Variants in MYT1L observed in about 807,000 individuals in gnomAD.
MYT1L encodes the protein myelin transcription factor 1-like protein.
A neutral mutation model predicts 126.7 loss-of-function variants in MYT1L; 12 were observed. The observed-to-expected ratio is 0.09, with a 90% CI of 0.06 to 0.15. The LOEUF is 0.15. MYT1L is among the 10% of genes least tolerant of loss of function. The probability of loss-of-function intolerance (pLI) is 1.00; values close to 1 mark genes in which losing one functional copy is unlikely to be tolerated. For synonymous variants in MYT1L, 541 were observed against 604.2 expected (o/e 0.90, Z 1.53); for missense variants, 979 against 1,585.2 (o/e 0.62, Z 6.49).
Position 1,840,696 on chromosome 2 carries a change from G to A in MYT1L, c.2858+64C>T. Reference sequence around the variant, plus strand: ...TTTCTTGTTGACATATACTTGCTTTGCTTGAATGCCTCGTCCCCACATGGC... The same window carrying A: ...TTTCTTGTTGACATATACTTGCTTTACTTGAATGCCTCGTCCCCACATGGC... On this transcript the variant is annotated intron_variant, in intron 20 of 24. Transcript: ENST00000647738. 7.6e-6 allele frequency: 9 copies of A among 1,189,358 alleles called. 1 individual carries two copies. The highest frequency in any genetic ancestry group is 1.1e-5 in the Non-Finnish European group (9 of 829,870). The allele number at this position is 1,189,358 out of a possible 1,614,324, so 73.7% of individuals were successfully genotyped here.
At chr2:1,870,169 C>A (rs993744211) in intron 18 of MYT1L, among the ~76,000 whole-genome samples, 2 of 152,184 alleles carry the variant, frequency 1.3e-5, no homozygotes, top group Non-Finnish European at 2.9e-5. Flanking sequence ...TCATTGAAAT[C>A]ATTTCACGGT....
At chr2:2,091,860 T>C (rs917594174) in intron 3 of MYT1L, among the ~76,000 whole-genome samples, 1 of 152,206 alleles carries the variant, frequency 6.6e-6, no homozygotes, top group Non-Finnish European at 1.5e-5. Context: ...CTCTGCCAGC[T>C]TCAAACTTTT....
rs551563196 is a variant in MYT1L, at chr2:1,977,520, T to A, written c.152+1645A>T. Among the ~76,000 whole-genome samples, 317 of 152,338 alleles carry A rather than the reference T, an allele frequency of 2.1e-3. 1 individual carries two copies. The highest frequency in any genetic ancestry group is 7.4e-3 in the African/African-American group (309 of 41,580). On this transcript the variant is annotated intron_variant, in intron 8 of 24. Coordinates refer to ENST00000647738, the MANE Select transcript of MYT1L (RefSeq NM_001303052.2). ...TTTTATAATTGTACCTTTAAAAATA[T>A]GTAAAAGAGGATATTTAGATTGTTT...
chr2:2,016,231 CAAAT>C (rs2149795012), intron 4 of MYT1L, among the ~76,000 whole-genome samples: 1 of 152,274 alleles, frequency 6.6e-6, no homozygotes, highest in South Asian at 2.1e-4. Flanking sequence ...GGATGGCAAA[CAAAT>C]GCACAGACAC....
At chr2:2,288,158 C>T (rs750168082) in intron 1 of MYT1L, among the ~76,000 whole-genome samples, 1 of 152,264 alleles carries the variant, frequency 6.6e-6, no homozygotes. Flanking sequence ...TAGGAATTGT[C>T]ATTTAATCCT....
intron 2 of MYT1L, among the ~76,000 whole-genome samples, chr2:2,177,805 T>G (rs1430111342): frequency 6.6e-6 from 1 of 152,128 alleles, no homozygotes; most frequent in African/African-American, 2.4e-5. Flanking sequence ...ACCAGGTTCC[T>G]CCCCAACCCC....
At chr2:2,309,320 C>G (rs997570611) in intron 1 of MYT1L, among the ~76,000 whole-genome samples, 1 of 151,740 alleles carries the variant, frequency 6.6e-6, no homozygotes, top group Non-Finnish European at 1.5e-5. Context: ...TCAGTATACT[C>G]TATCTATACT....
At chr2:1,859,416 G>A (rs189557535) in intron 18 of MYT1L, among the ~76,000 whole-genome samples, 4 of 152,052 alleles carry the variant, frequency 2.6e-5, no homozygotes, top group South Asian at 2.1e-4. Flanking sequence ...TTTTCATGAC[G>A]CAGATGAGAT....
At chr2:2,201,217 T>C (rs1023610987) in intron 2 of MYT1L, among the ~76,000 whole-genome samples, 12 of 151,700 alleles carry the variant, frequency 7.9e-5, no homozygotes, top group African/African-American at 2.9e-4. Context: ...ATTTTGACAA[T>C]GGTGTCCAAA....
intron 3 of MYT1L, among the ~76,000 whole-genome samples, chr2:2,158,267 GA>G (rs897034945): frequency 9.9e-5 from 15 of 151,386 alleles, no homozygotes; most frequent in Non-Finnish European, 2.1e-4. Flanking sequence ...GAAGAAGAAG[GA>G]AAAAAAACCC....
At chr2:1,920,243 C>G in intron 10 of MYT1L, among the ~76,000 whole-genome samples, 1 of 152,174 alleles carries the variant, frequency 6.6e-6, no homozygotes, top group East Asian at 1.9e-4. Flanking sequence ...TCATTCCCAC[C>G]CAACCCCCAT....
At chr2:1,878,006 T>C (rs939885715) in intron 18 of MYT1L, among the ~76,000 whole-genome samples, 3 of 152,258 alleles carry the variant, frequency 2.0e-5, no homozygotes, top group Admixed American at 6.5e-5. Context: ...ATTAGCCATG[T>C]ATGTGTTAAT....
intron 4 of MYT1L, among the ~76,000 whole-genome samples, chr2:2,026,439 G>A (rs2065582238): frequency 6.6e-6 from 1 of 152,176 alleles, no homozygotes; most frequent in African/African-American, 2.4e-5. Context: ...TCTAGCAGGG[G>A]TGGCCCGGGC....
At chr2:1,869,475 G>A (rs2046009680) in intron 18 of MYT1L, among the ~76,000 whole-genome samples, 1 of 152,244 alleles carries the variant, frequency 6.6e-6, no homozygotes, top group Non-Finnish European at 1.5e-5. Flanking sequence ...CTGTGTGTGT[G>A]CCTGCATGTG....
chr2:2,115,891 G>A (rs537713189), intron 3 of MYT1L, among the ~76,000 whole-genome samples: 499 of 149,352 alleles, frequency 3.3e-3, no homozygotes, highest in African/African-American at 0.01. Context: ...GATGCACCAC[G>A]TCCAGTCGAT....
At position 2,059,229 on chromosome 2, in the gene MYT1L, T is replaced by G. The variant is rs1239412448; in HGVS notation, c.-303-5106A>C. On this transcript the variant is annotated intron_variant, in intron 3 of 24. Transcript: ENST00000647738. This position sits in a 1 kb window ranked among gnomAD's most constrained non-coding sequence, Gnocchi z 4.7. ...CTGCAGTGGCCATAGCATCCCAGCT[T>G]CTTACTCTGGGTGAGGGCATCAACG... 1.3e-5 allele frequency among the ~76,000 whole-genome samples: 2 copies of G among 152,204 alleles called. No homozygotes were observed. The highest frequency in any genetic ancestry group is 6.5e-5 in the Admixed American group (1 of 15,282).
chr2:2,164,499 G>C (rs2088662197), intron 3 of MYT1L, among the ~76,000 whole-genome samples: 1 of 152,096 alleles, frequency 6.6e-6, no homozygotes, highest in African/African-American at 2.4e-5. Flanking sequence ...CGAGCTGTCC[G>C]AGTTTCCTAA....
intron 3 of MYT1L, among the ~76,000 whole-genome samples, chr2:2,107,864 T>C (rs185596800): frequency 6.6e-6 from 1 of 152,234 alleles, no homozygotes; most frequent in Non-Finnish European, 1.5e-5. Flanking sequence ...TGCTCTGCCT[T>C]TACCCCAGAG....
intron 2 of MYT1L, among the ~76,000 whole-genome samples, chr2:2,257,665 A>G (rs1405448947): frequency 6.6e-6 from 1 of 151,838 alleles, no homozygotes; most frequent in African/African-American, 2.4e-5. Context: ...ATTCCTAGGT[A>G]TTTTATTCTC....
Sources: gnomAD v4.1 joint callset for allele counts (sites outside exome capture counted in the v4.1 genomes callset) on GRCh38, gnomAD v4.1.1 for gene constraint, Gnocchi (gnomAD v3.1) non-coding constraint, MANE v1.5 for transcripts, NCBI Gene and HGNC (gene_info 2026-07-23, HGNC 2026-07-21) for gene names.